The following HYCC1 variants were observed in gnomAD, a reference collection of about 807,000 sequenced individuals.
HYCC1 encodes hyccin.
chr7:22,903,058 G>C, the HYCC1 span, among the ~76,000 whole-genome samples: 1 of 152,092 alleles, frequency 6.6e-6, no homozygotes, highest in East Asian at 1.9e-4. Flanking sequence ...AATAAAAAAG[G>C]CAGTGTTGAT....
the HYCC1 span, among the ~76,000 whole-genome samples, chr7:22,952,676 A>G: frequency 6.6e-6 from 1 of 152,068 alleles, no homozygotes; most frequent in South Asian, 2.1e-4. Context: ...TTTTTTATCA[A>G]TAGAAGTCAC....
At chr7:22,918,326 T>C in the HYCC1 span, among the ~76,000 whole-genome samples, 1 of 152,168 alleles carries the variant, frequency 6.6e-6, no homozygotes, top group African/African-American at 2.4e-5. Flanking sequence ...TCATGCTGTA[T>C]GACAAATGCT....
At chr7:23,007,359 C>T in the HYCC1 span, among the ~76,000 whole-genome samples, 2 of 152,012 alleles carry the variant, frequency 1.3e-5, no homozygotes, top group African/African-American at 4.8e-5. Context: ...TGATGGTGGA[C>T]GACTGTCTTA....
the HYCC1 span, among the ~76,000 whole-genome samples, chr7:22,976,506 T>C: frequency 2.0e-5 from 3 of 152,194 alleles, no homozygotes; most frequent in African/African-American, 7.2e-5. Context: ...TAAAATTCAG[T>C]GTTCCAGCTG....
chr7:22,955,254 G>A, the HYCC1 span, among the ~76,000 whole-genome samples: 1 of 151,464 alleles, frequency 6.6e-6, no homozygotes, highest in Non-Finnish European at 1.5e-5. Context: ...AAGAATCACA[G>A]GACAACTTGA....
chr7:22,973,218 C>T, the HYCC1 span, among the ~76,000 whole-genome samples: 6 of 152,334 alleles, frequency 3.9e-5, no homozygotes, highest in South Asian at 1.2e-3. Context: ...ATAACCATTT[C>T]TAACTTACTT....
the HYCC1 span, among the ~76,000 whole-genome samples, chr7:22,927,573 T>C: frequency 6.6e-6 from 1 of 152,116 alleles, no homozygotes; most frequent in Admixed American, 6.5e-5. Flanking sequence ...GCAAATAAAC[T>C]AGAAGATCTA....
chr7:22,991,488 G>A, the HYCC1 span, among the ~76,000 whole-genome samples: 101 of 152,124 alleles, frequency 6.6e-4, no homozygotes, highest in Non-Finnish European at 1.2e-3. Context: ...TCAAAATTGT[G>A]AAAATATAAG....
At chr7:23,001,760 C>A in the HYCC1 span, among the ~76,000 whole-genome samples, 4 of 152,076 alleles carry the variant, frequency 2.6e-5, no homozygotes, top group Non-Finnish European at 4.4e-5. Flanking sequence ...ACAGTGCCTA[C>A]ATACTGGTAA....
At chr7:22,934,718 T>A in the HYCC1 span, 1 of 152,178 alleles carries the variant, frequency 6.6e-6, no homozygotes, top group Non-Finnish European at 1.5e-5. Context: ...ATTCCAAGAA[T>A]CCTTTGCCTG....
the HYCC1 span, among the ~76,000 whole-genome samples, chr7:22,952,433 A>G: frequency 1.3e-5 from 2 of 151,986 alleles, no homozygotes; most frequent in African/African-American, 4.8e-5. Context: ...CCAAATAACT[A>G]GACAATGCCC....
chr7:22,973,197 C>G, the HYCC1 span, among the ~76,000 whole-genome samples: 1 of 152,174 alleles, frequency 6.6e-6, no homozygotes, highest in Non-Finnish European at 1.5e-5. Flanking sequence ...AGCTCTTGTA[C>G]TTTAACTGGT....
chr7:22,975,074 T>C, the HYCC1 span, among the ~76,000 whole-genome samples: 1 of 152,204 alleles, frequency 6.6e-6, no homozygotes, highest in East Asian at 1.9e-4. Context: ...AGTATGAAAA[T>C]GGACTAATAC....
the HYCC1 span, chr7:22,976,579 G>T: frequency 1.3e-6 from 1 of 746,992 alleles, no homozygotes; most frequent in South Asian, 1.5e-5. Flanking sequence ...AAATGACTCA[G>T]TATTCAAATA....
the HYCC1 span, among the ~76,000 whole-genome samples, chr7:22,966,676 C>T: frequency 1.3e-5 from 2 of 152,174 alleles, no homozygotes; most frequent in South Asian, 2.1e-4. Flanking sequence ...CTACCTAGAA[C>T]TTAAAGTTAT....
At chr7:23,013,423 C>T in the HYCC1 span, among the ~76,000 whole-genome samples, 23 of 152,238 alleles carry the variant, frequency 1.5e-4, no homozygotes, top group Non-Finnish European at 3.1e-4. Context: ...GGCCACCAGA[C>T]CGGACGGACA....
chr7:22,905,912 G>C, the HYCC1 span, among the ~76,000 whole-genome samples: 4 of 152,180 alleles, frequency 2.6e-5, no homozygotes, highest in Non-Finnish European at 5.9e-5. Flanking sequence ...TGTGTGAGAA[G>C]ATGAAGTAAA....
chr7:22,978,498 G>A, the HYCC1 span: 5 of 1,412,374 alleles, frequency 3.5e-6, no homozygotes, highest in African/African-American at 5.7e-5. Context: ...TATTTGAATG[G>A]AACTACTATA....
the HYCC1 span, among the ~76,000 whole-genome samples, chr7:22,970,951 A>G: frequency 2.0e-5 from 3 of 152,188 alleles, no homozygotes. Context: ...CTATGTCTGT[A>G]TTAAATTTAC....
Sources: allele counts gnomAD v4.1 joint callset (sites outside exome capture counted in the v4.1 genomes callset), GRCh38; gene constraint gnomAD v4.1.1; transcripts MANE v1.5; gene names NCBI Gene and HGNC (gene_info 2026-07-23, HGNC 2026-07-21).